FAR2: variants seen among roughly 807,000 people sequenced by gnomAD.
FAR2 encodes fatty acyl-CoA reductase 2, also known as epididymis secretory protein Li 81.
FAR2 carries 19 observed loss-of-function variants against 56.0 expected under a neutral mutation model. That is an observed-to-expected ratio of 0.34 (90% CI 0.24 to 0.50). The LOEUF (loss-of-function observed/expected upper bound fraction) is 0.50, where lower values mean the gene tolerates loss of function less well. FAR2 is among the 20% of genes least tolerant of loss of function. The pLI, the probability that FAR2 is intolerant of heterozygous loss-of-function variation, is 0.98. For missense variants in FAR2, 508 were observed against 642.2 expected (o/e 0.79, Z 2.26); for synonymous variants, 219 against 218.8 (o/e 1.00, Z -0.01).
intron 9 of FAR2, among the ~76,000 whole-genome samples, chr12:29,317,475 C>A (rs1223871597): frequency 6.6e-6 from 1 of 152,110 alleles, no homozygotes. Context: ...CCAAGTATTT[C>A]ACATAAAGGA....
intron 1 of FAR2, chr12:29,223,696 C>T (rs1947725038): frequency 1.3e-5 from 2 of 152,194 alleles, no homozygotes; most frequent in African/African-American, 4.8e-5. Flanking sequence ...TTGGGGTGAG[C>T]TGCACTTCAG....
intron 1 of FAR2, among the ~76,000 whole-genome samples, chr12:29,239,761 T>C (rs1009147385): frequency 1.3e-5 from 2 of 152,220 alleles, no homozygotes; most frequent in African/African-American, 4.8e-5. Flanking sequence ...TTTATATATA[T>C]GAACTCAGGT....
At chr12:29,167,272 C>A (rs1949838877) in intron 1 of FAR2, among the ~76,000 whole-genome samples, 1 of 152,106 alleles carries the variant, frequency 6.6e-6, no homozygotes, top group Admixed American at 6.5e-5. Flanking sequence ...TTTTCCTTTA[C>A]TTGCAACTTT....
At chr12:29,208,662 A>G (rs1159248829) in intron 1 of FAR2, among the ~76,000 whole-genome samples, 2 of 152,146 alleles carry the variant, frequency 1.3e-5, no homozygotes, top group Admixed American at 1.3e-4. Flanking sequence ...GAAAAAAAAA[A>G]TGCCCACCTG....
intron 1 of FAR2, chr12:29,171,658 TG>T (rs1949887774): frequency 1.4e-5 from 2 of 142,812 alleles, no homozygotes; most frequent in African/African-American, 5.3e-5. Context: ...GCCAACCATG[TG>T]GGAAGTGATG....
chr12:29,197,106 C>T (rs891877788), intron 1 of FAR2, among the ~76,000 whole-genome samples: 3 of 152,108 alleles, frequency 2.0e-5, no homozygotes, highest in African/African-American at 7.2e-5. Flanking sequence ...TTGCATTTGA[C>T]CTATAATGTA....
intron 1 of FAR2, among the ~76,000 whole-genome samples, chr12:29,181,714 C>G (rs1178332135): frequency 6.6e-6 from 1 of 152,262 alleles, no homozygotes; most frequent in African/African-American, 2.4e-5. Context: ...AAGTTGGATA[C>G]CCTTCTGCCT....
At chr12:29,193,245 T>C (rs982507451) in intron 1 of FAR2, among the ~76,000 whole-genome samples, 4 of 152,200 alleles carry the variant, frequency 2.6e-5, no homozygotes, top group African/African-American at 9.6e-5. Flanking sequence ...TATGGACACA[T>C]CATTATCACC....
chr12:29,283,808 T>C (rs770531310), intron 2 of FAR2, among the ~76,000 whole-genome samples: 1 of 152,204 alleles, frequency 6.6e-6, no homozygotes, highest in Non-Finnish European at 1.5e-5. Context: ...GCTCATGTAA[T>C]TATGAACCAA....
intron 2 of FAR2, among the ~76,000 whole-genome samples, chr12:29,273,702 A>G (rs1948658011): frequency 1.3e-5 from 2 of 152,212 alleles, no homozygotes; most frequent in African/African-American, 4.8e-5. Flanking sequence ...GGAGTTCAGT[A>G]GGCTTAAGCA....
chr12:29,329,611 A>C (rs1949701515), intron 10 of FAR2, among the ~76,000 whole-genome samples: 1 of 152,218 alleles, frequency 6.6e-6, no homozygotes, highest in Non-Finnish European at 1.5e-5. Flanking sequence ...TGAATGACTA[A>C]GCAATATTAA....
intron 1 of FAR2, among the ~76,000 whole-genome samples, chr12:29,210,613 A>T (rs1947533629): frequency 6.6e-6 from 1 of 152,250 alleles, no homozygotes; most frequent in South Asian, 2.1e-4. Context: ...TTGTGATGCC[A>T]GTTGGCAGAG....
intron 1 of FAR2, among the ~76,000 whole-genome samples, chr12:29,237,121 A>G (rs1054234984): frequency 2.6e-5 from 4 of 152,154 alleles, no homozygotes; most frequent in Non-Finnish European, 5.9e-5. Flanking sequence ...TTCTACACCC[A>G]AACTGAAACG....
intron 3 of FAR2, among the ~76,000 whole-genome samples, chr12:29,294,140 A>G (rs1235110119): frequency 2.0e-5 from 3 of 152,172 alleles, no homozygotes; most frequent in Non-Finnish European, 4.4e-5. Flanking sequence ...ATAATTTTTA[A>G]ATTATTTTAA....
chr12:29,221,457 T>C (rs1416931163), intron 1 of FAR2, among the ~76,000 whole-genome samples: 1 of 152,216 alleles, frequency 6.6e-6, no homozygotes, highest in African/African-American at 2.4e-5. Flanking sequence ...CTGACTGATA[T>C]ATTTGGAAAA....
intron 1 of FAR2, among the ~76,000 whole-genome samples, chr12:29,228,848 A>G (rs1269052886): frequency 6.6e-6 from 1 of 152,212 alleles, no homozygotes; most frequent in East Asian, 1.9e-4. Flanking sequence ...TTGCCCTCCC[A>G]AAGTGCTGGG....
intron 1 of FAR2, among the ~76,000 whole-genome samples, chr12:29,266,136 A>T (rs1804178633): frequency 6.6e-6 from 1 of 152,138 alleles, no homozygotes; most frequent in South Asian, 2.1e-4. Flanking sequence ...AATGTAACAT[A>T]TCCAGCAATC....
chr12:29,258,182 T>TA (rs3032977), intron 1 of FAR2, among the ~76,000 whole-genome samples: 40,928 of 145,948 alleles, frequency 0.28, 6,555 homozygotes, highest in Admixed American at 0.42. Context: ...TGTCTTTACT[T>TA]AAAAAAAAAA....
At chr12:29,289,089 A>G (rs1176298805) in intron 2 of FAR2, among the ~76,000 whole-genome samples, 1 of 152,210 alleles carries the variant, frequency 6.6e-6, no homozygotes, top group East Asian at 1.9e-4. Context: ...AGAAGAATCA[A>G]TATTGTTAAA....
Sources: gnomAD v4.1 joint callset for allele counts (sites outside exome capture counted in the v4.1 genomes callset) on GRCh38, gnomAD v4.1.1 for gene constraint, MANE v1.5 for transcripts, NCBI Gene and HGNC (gene_info 2026-07-23, HGNC 2026-07-21) for gene names.